ING2: variants seen among roughly 807,000 people sequenced by gnomAD.
ING2 encodes inhibitor of growth family member 2, also known as inhibitor of growth protein 2.
In ING2, 7 loss-of-function variants were observed where a neutral mutation model predicts 30.6. The ratio of observed to expected loss-of-function variants is 0.23; its 90% CI spans 0.13 to 0.43. The LOEUF (loss-of-function observed/expected upper bound fraction) is 0.43. Ranked by LOEUF, ING2 falls within the 20% of genes least tolerant of loss-of-function variation. ING2 has a pLI of 1.00. For missense variants in ING2, 239 were observed against 334.9 expected (o/e 0.71, Z 2.24); for synonymous variants, 136 against 121.7 (o/e 1.12, Z -0.78).
chr4:183,510,210 A>G, intron 1 of ING2, 72 bp from the exon 2 acceptor site: 2 of 1,129,512 alleles, frequency 1.8e-6, no homozygotes, highest in Non-Finnish European at 2.5e-6. Flanking sequence ...ATTCTGTAAA[A>G]AATAACTACC....
At chr4:183,507,285 G>C (rs1734672156) in intron 1 of ING2, among the ~76,000 whole-genome samples, 1 of 152,162 alleles carries the variant, frequency 6.6e-6, no homozygotes, top group South Asian at 2.1e-4. Context: ...ATTTTTAGTA[G>C]AGACGGAGTT....
chr4:183,508,352 CT>C (rs1429966222), intron 1 of ING2, among the ~76,000 whole-genome samples: 6 of 148,490 alleles, frequency 4.0e-5, no homozygotes, highest in African/African-American at 7.4e-5. Context: ...AGGTTTGCCT[CT>C]TTTTTTTTTA....
rs767997941 is a variant in ING2 at position 183,511,118 on chromosome 4, A to G, written c.*166A>G. Reference sequence around the variant, plus strand: ...TTTGTCTGTGACCTTAATTTTCTGCACTGAGTTACCAAATATTTCCAACCA... The same window carrying G: ...TTTGTCTGTGACCTTAATTTTCTGCGCTGAGTTACCAAATATTTCCAACCA... On this transcript the variant is annotated 3_prime_UTR_variant, in exon 2 of 2. Transcript: ENST00000302327. 2.2e-5 allele frequency: 12 copies of G among 556,720 alleles called. No homozygotes were observed. The highest frequency in any genetic ancestry group is 3.6e-5 in the Non-Finnish European group (12 of 329,774). The allele number at this position is 556,720 out of a possible 1,614,324, so 34.5% of individuals were successfully genotyped here.
At chr4:183,505,912 C>G (rs1433638095) in intron 1 of ING2, among the ~76,000 whole-genome samples, 2 of 152,164 alleles carry the variant, frequency 1.3e-5, no homozygotes, top group Non-Finnish European at 2.9e-5. Context: ...GTCCGTTCCG[C>G]TCTCTCGCCC....
intron 1 of ING2, among the ~76,000 whole-genome samples, chr4:183,506,779 C>T (rs558494684): frequency 6.6e-6 from 1 of 150,944 alleles, no homozygotes; most frequent in Non-Finnish European, 1.5e-5. Flanking sequence ...TAGGACTGAT[C>T]CGTGTTTGGG....
At chr4:183,505,941 C>T (rs1000251885) in intron 1 of ING2, 18 of 352,188 alleles carry the variant, frequency 5.1e-5, no homozygotes, top group Non-Finnish European at 6.5e-5. Flanking sequence ...TTCGCGGGCG[C>T]CCCGCGTTGT....
At chr4:183,506,869 G>A (rs1039029800) in intron 1 of ING2, among the ~76,000 whole-genome samples, 13 of 152,200 alleles carry the variant, frequency 8.5e-5, no homozygotes, top group Non-Finnish European at 1.9e-4. Context: ...ATTACAAAGA[G>A]TTCAAGTAAC....
chr4:183,506,062 C>G, intron 1 of ING2: 1 of 1,131,322 alleles, frequency 8.8e-7, no homozygotes, highest in Non-Finnish European at 1.1e-6. Context: ...GGGGCGGGGC[C>G]TGCGGGCTTG....
At chr4:183,507,258 G>C (rs1734670956) in intron 1 of ING2, among the ~76,000 whole-genome samples, 1 of 152,126 alleles carries the variant, frequency 6.6e-6, no homozygotes, top group South Asian at 2.1e-4. Context: ...CTGCCATCAC[G>C]CCGGGCTAAG....
chr4:183,507,931 CTTTA>C (rs1734717636), intron 1 of ING2, among the ~76,000 whole-genome samples: 3 of 152,040 alleles, frequency 2.0e-5, no homozygotes, highest in Admixed American at 1.3e-4. Context: ...ATTAGAGAAC[CTTTA>C]TTTTTATTCT....
chr4:183,506,047 C>A, intron 1 of ING2: 1 of 1,101,500 alleles, frequency 9.1e-7, no homozygotes, highest in Non-Finnish European at 1.1e-6. Flanking sequence ...AGGGCCCCCG[C>A]GCCGGGGGCG....
intron 1 of ING2, among the ~76,000 whole-genome samples, chr4:183,506,682 C>T (rs998575885): frequency 1.3e-4 from 19 of 151,218 alleles, no homozygotes; most frequent in African/African-American, 4.6e-4. Flanking sequence ...TTAAAAGTCT[C>T]TAAGGAATCC....
chr4:183,506,034 G>A (rs1010532107), intron 1 of ING2: 3 of 1,053,924 alleles, frequency 2.8e-6, no homozygotes, highest in Non-Finnish European at 3.5e-6. Flanking sequence ...GTGTGTGGCG[G>A]GGAGGGCCCC....
Position 183,510,431 on chromosome 4 carries a change from C to A in ING2, c.322C>A (p.Leu108Ile). The A allele has an allele frequency of 1.2e-6, 2 of 1,614,158 alleles. No individual in the cohort carries two copies. Among genetic ancestry groups the A allele is most frequent in the Non-Finnish European group, 1.7e-6 (2 of 1,180,030 alleles). Residue 108 changes from leucine to isoleucine, a missense_variant, in exon 2 of 2, where the codon CTC (leucine) becomes ATC (isoleucine). Leu to Ile is a conservative substitution (Grantham distance 5). Transcript: ENST00000302327. ...AAAAATACAGATTGTTACACAAATG[C>A]TCGAATTGGTGGAAAATCGGGCAAG... ...DEKIQIVTQM[L>I]ELVENRARQM...
At chr4:183,505,470 G>C in intron 1 of ING2, 103 bp downstream of exon 1, 2 of 1,227,458 alleles carry the variant, frequency 1.6e-6, no homozygotes. Flanking sequence ...CGAGCGCACC[G>C]AGGGTCTGCC....
Position 183,510,125 on chromosome 4 carries a change from G to T in ING2, c.173-157G>T, listed in dbSNP as rs370811240. Reference sequence around the variant, plus strand: ...CTATACTTTCATATTAGATAATGTGGTCTTTGTATGAAATAGTTTTTAATG... The same window carrying T: ...CTATACTTTCATATTAGATAATGTGTTCTTTGTATGAAATAGTTTTTAATG... On this transcript the variant is annotated intron_variant, in intron 1 of 1. Coordinates refer to ENST00000302327, the MANE Select transcript of ING2 (RefSeq NM_001564.4). Among the ~76,000 whole-genome samples the T allele has an allele frequency of 4.3e-4, 66 of 152,246 alleles. 1 individual carries two copies. Among genetic ancestry groups the T allele is most frequent in the African/African-American group, 1.4e-3 (58 of 41,556 alleles).
At chr4:183,506,950 A>T (rs769861713) in intron 1 of ING2, among the ~76,000 whole-genome samples, 1 of 152,220 alleles carries the variant, frequency 6.6e-6, no homozygotes, top group Non-Finnish European at 1.5e-5. Context: ...CTTTGTTTTC[A>T]AACAATTTAA....
In ING2 at chr4:183,506,001, C is replaced by T. The variant is rs573660847; in HGVS notation, c.172+634C>T. ...AAATGGTTAAGAGGGGAGGGGTCCC[C>T]CGCGGGAGAGGAAGAGAGGGGCGTG... On this transcript the variant is annotated intron_variant, in intron 1 of 1. Transcript: ENST00000302327. 1.2e-5 allele frequency: 10 copies of T among 839,982 alleles called. No homozygotes were observed. In the South Asian group the frequency reaches 2.1e-4, roughly 18 times the overall value. 52.0% of individuals were successfully genotyped at this position (839,982 alleles called of 1,614,324 possible). A position where few individuals can be genotyped will look rare whatever the true frequency, so the allele number is the denominator to read the frequency against.
intron 1 of ING2, chr4:183,506,117 GA>G: frequency 2.5e-6 from 3 of 1,221,536 alleles, no homozygotes; most frequent in Non-Finnish European, 3.2e-6. Context: ...CGCGGGCCTG[GA>G]AAATGGCTGG....
Sources: gnomAD v4.1 joint callset for allele counts (sites outside exome capture counted in the v4.1 genomes callset) on GRCh38, gnomAD v4.1.1 for gene constraint, MANE v1.5 for transcripts, NCBI Gene and HGNC (gene_info 2026-07-23, HGNC 2026-07-21) for gene names.